The following TENM2 variants were observed in gnomAD, a reference collection of about 807,000 sequenced individuals.
TENM2 encodes teneurin-2.
Under a neutral mutation model 245.2 loss-of-function variants are expected in TENM2, and 52 were observed. That is an observed-to-expected ratio of 0.21 (90% CI 0.17 to 0.27). The LOEUF (loss-of-function observed/expected upper bound fraction) is 0.27. Among genes scored for constraint, TENM2 ranks in the 10% least tolerant of loss-of-function variants. The pLI is 1.00. For missense variants in TENM2, 3,046 were observed against 3,666.8 expected (o/e 0.83, Z 4.37); for synonymous variants, 1,363 against 1,438.9 (o/e 0.95, Z 1.19).
At position 168,248,269 on chromosome 5, in the gene TENM2, A is replaced by G. The variant is rs1766777598; in HGVS notation, c.7330A>G (p.Met2444Val). The G allele has an allele frequency of 1.2e-6, 2 of 1,613,874 alleles. No individual in the cohort carries two copies. The highest frequency in any genetic ancestry group is 1.3e-5 in the African/African-American group (1 of 74,912). Residue 2444 changes from methionine (M) to valine (V), a missense_variant, in exon 27 of 29, where the codon ATG (methionine) becomes GTG (valine). Physicochemically the swap from Met to Val is conservative, Grantham distance 21. This residue lies in a region of TENM2 where 2,704 missense variants were observed against 3,331.9 expected (regional missense o/e 0.81). Coordinates refer to ENST00000518659, the Ensembl canonical transcript of TENM2. Reference sequence around the variant, plus strand: ...ACGATGGACCTCCCCAGACTATACCATGTGGAAAAACGTGGGCAAGGAGCC... The same window carrying G: ...ACGATGGACCTCCCCAGACTATACCGTGTGGAAAAACGTGGGCAAGGAGCC...
intron 1 of TENM2, among the ~76,000 whole-genome samples, chr5:167,350,413 A>ATGTGTGTGTGTGTG (rs35747170): frequency 1.4e-5 from 2 of 141,896 alleles, no homozygotes; most frequent in African/African-American, 5.2e-5. Flanking sequence ...ATACATATAT[A>ATGTGTGTGTGTGTG]TGTGTGTGTG....
intron 25 of TENM2, among the ~76,000 whole-genome samples, chr5:168,237,953 T>C (rs1344209002): frequency 1.3e-5 from 2 of 151,224 alleles, no homozygotes; most frequent in African/African-American, 2.4e-5. Context: ...CCATCTTGGC[T>C]AACACGGTGA....
At chr5:166,981,863 A>G in the TENM2 span, among the ~76,000 whole-genome samples, 11 of 152,100 alleles carry the variant, frequency 7.2e-5, no homozygotes. Flanking sequence ...AAACATATCT[A>G]CATTTTGGGT....
At chr5:168,095,002 G>A (rs1474194211) in intron 8 of TENM2, among the ~76,000 whole-genome samples, 1 of 151,172 alleles carries the variant, frequency 6.6e-6, no homozygotes, top group Non-Finnish European at 1.5e-5. Context: ...ATCTGTCACT[G>A]TCTCCCATCA....
chr5:167,523,536 G>A (rs1028269875), intron 2 of TENM2, among the ~76,000 whole-genome samples: 7 of 152,164 alleles, frequency 4.6e-5, no homozygotes, highest in East Asian at 3.9e-4. Flanking sequence ...TTGTGTCTAC[G>A]TGTTTATGTG....
Position 167,614,179 on chromosome 5 carries a change from AT to A in TENM2, c.502+238709del, listed in dbSNP as rs1204572509. On this transcript the variant is annotated intron_variant, in intron 2 of 28. Coordinates refer to ENST00000518659, the Ensembl canonical transcript of TENM2. ...TACCTGAGGGTATGCCAATCTTCTG[AT>A]TTAAAACATAGTACCTGACTTTTAT... is the stretch of plus-strand genomic sequence containing the variant. Among the ~76,000 whole-genome samples, 3 of 152,100 alleles carry A rather than the reference AT, an allele frequency of 2.0e-5. No homozygotes were observed. The East Asian group carries it at 5.8e-4, about 29-fold the overall frequency.
At chr5:167,882,975 A>G (rs11954345) in intron 3 of TENM2, among the ~76,000 whole-genome samples, 6,837 of 152,230 alleles carry the variant, frequency 0.045, 385 homozygotes, top group African/African-American at 0.13. Flanking sequence ...AGCTGTCCCA[A>G]TGTTAGAGGC....
chr5:167,599,022 T>C (rs1776421763), intron 2 of TENM2, among the ~76,000 whole-genome samples: 1 of 152,192 alleles, frequency 6.6e-6, no homozygotes, highest in African/African-American at 2.4e-5. Flanking sequence ...AGGCATTCTT[T>C]TGAGCTATAA....
At position 167,820,000 on chromosome 5, in the gene TENM2, A is replaced by C. The variant is rs79100985; in HGVS notation, c.503-55986A>C. 6.3e-4 allele frequency among the ~76,000 whole-genome samples: 96 copies of C among 152,218 alleles called. 1 individual carries two copies. The East Asian group carries it at 0.018, about 29-fold the overall frequency. The stretch of plus-strand genomic sequence containing the variant: ...ATCAAAATGTTTTTTGTATTGCCTC[A>C]ACTTTGCTGCTTCCATGTCAATTTC... On this transcript the variant is annotated intron_variant, in intron 2 of 28. Transcript: ENST00000518659.
intron 2 of TENM2, among the ~76,000 whole-genome samples, chr5:167,844,179 T>C (rs531925308): frequency 7.2e-5 from 11 of 152,214 alleles, no homozygotes; most frequent in Non-Finnish European, 1.6e-4. Flanking sequence ...ATGTAAAAGA[T>C]ACAGCTCATT....
At chr5:167,609,324 C>T (rs1399151476) in intron 2 of TENM2, among the ~76,000 whole-genome samples, 1 of 151,992 alleles carries the variant, frequency 6.6e-6, no homozygotes, top group Admixed American at 6.6e-5. Flanking sequence ...ATCAATTGTA[C>T]TTGGATATCC....
At chr5:167,690,488 A>T (rs1274606397) in intron 2 of TENM2, among the ~76,000 whole-genome samples, 1 of 152,116 alleles carries the variant, frequency 6.6e-6, no homozygotes, top group Non-Finnish European at 1.5e-5. Flanking sequence ...ATTTATACAG[A>T]TATCTTTCTT....
chr5:167,619,410 T>G (rs1327551234), intron 2 of TENM2, among the ~76,000 whole-genome samples: 1 of 152,172 alleles, frequency 6.6e-6, no homozygotes, highest in Non-Finnish European at 1.5e-5. Context: ...ATTTGGTGGA[T>G]GCTGTTTCCT....
At chr5:167,895,524 C>A (rs1182862721) in intron 3 of TENM2, among the ~76,000 whole-genome samples, 1 of 152,228 alleles carries the variant, frequency 6.6e-6, no homozygotes, top group Non-Finnish European at 1.5e-5. Context: ...ATTCCAATGG[C>A]TTTGATCTTC....
rs1778668981 is a variant in TENM2 at position 167,628,616 on chromosome 5, G to C, written c.503-247370G>C. Among the ~76,000 whole-genome samples, 3 of 152,182 alleles carry C rather than the reference G, an allele frequency of 2.0e-5. No homozygotes were observed. In the South Asian group the frequency reaches 6.2e-4, roughly 31 times the overall value. On this transcript the variant is annotated intron_variant, in intron 2 of 28. Coordinates refer to ENST00000518659, the Ensembl canonical transcript of TENM2. Reference sequence around the variant, plus strand: ...TGAGTTCCTATGGTAGTGGAAATCAGGATGACACAGTACAAGGTGGTATAG... The same window carrying C: ...TGAGTTCCTATGGTAGTGGAAATCACGATGACACAGTACAAGGTGGTATAG...
chr5:167,357,920 C>T (rs1759451497), intron 1 of TENM2, among the ~76,000 whole-genome samples: 1 of 152,160 alleles, frequency 6.6e-6, no homozygotes, highest in South Asian at 2.1e-4. Flanking sequence ...TCTGTGCCCA[C>T]ATACTCCACC....
At chr5:167,548,108 A>G (rs1417050820) in intron 2 of TENM2, among the ~76,000 whole-genome samples, 1 of 152,232 alleles carries the variant, frequency 6.6e-6, no homozygotes, top group Non-Finnish European at 1.5e-5. Context: ...CATTTGTAAA[A>G]TGACTAGAAT....
chr5:168,065,398 G>A (rs1430143137), intron 7 of TENM2, among the ~76,000 whole-genome samples: 1 of 152,160 alleles, frequency 6.6e-6, no homozygotes, highest in Non-Finnish European at 1.5e-5. Context: ...GGGACCTTGA[G>A]CACGTCCCTT....
chr5:167,902,357 A>G (rs1257807071), intron 3 of TENM2, among the ~76,000 whole-genome samples: 1 of 152,196 alleles, frequency 6.6e-6, no homozygotes, highest in African/African-American at 2.4e-5. Flanking sequence ...GGAATCTGGA[A>G]GGCTGGCTGG....
Sources: gnomAD v4.1 joint callset for allele counts (sites outside exome capture counted in the v4.1 genomes callset) on GRCh38, gnomAD v4.1.1 for gene constraint, gnomAD v4.1.1 regional missense constraint, MANE v1.5 for transcripts, NCBI Gene and HGNC (gene_info 2026-07-23, HGNC 2026-07-21) for gene names.